The following SYT14 variants were observed in gnomAD, a reference collection of about 807,000 sequenced individuals.
SYT14 encodes the protein synaptotagmin 14.
In SYT14, 32 loss-of-function variants were observed where a neutral mutation model predicts 74.2. That is an observed-to-expected ratio of 0.43 (90% confidence interval 0.33 to 0.58). The LOEUF is 0.58. Among genes scored for constraint, SYT14 ranks in the 20% least tolerant of loss-of-function variants. SYT14 has a pLI of 0.05. For missense variants in SYT14, 791 were observed against 981.8 expected, an observed-to-expected ratio of 0.81 and a Z score of 2.60; for synonymous variants, 298 against 337.7, an observed-to-expected ratio of 0.88 and a Z score of 1.29.
rs1386909486 is a variant in SYT14 at position 209,958,883 on chromosome 1, T to G, written c.-486+6127T>G. The stretch of plus-strand genomic sequence containing the variant: ...ACTCTATAATCCTCTTCCAACTGCT[T>G]GACTAAGCATGATCTTATAAATGGA... On this transcript the variant is annotated intron_variant, in intron 2 of 9. Coordinates refer to ENST00000637265, the Ensembl canonical transcript of SYT14. 2.6e-5 allele frequency among the ~76,000 whole-genome samples: 4 copies of G among 152,168 alleles called. No homozygotes were observed. The East Asian group carries it at 7.7e-4, about 29-fold the overall frequency.
intron 7 of SYT14, among the ~76,000 whole-genome samples, chr1:210,128,707 A>G (rs1164219577): frequency 6.6e-6 from 1 of 152,194 alleles, no homozygotes; most frequent in Non-Finnish European, 1.5e-5. Context: ...ATGGAATACG[A>G]ACAGTGTCTA....
intron 7 of SYT14, among the ~76,000 whole-genome samples, chr1:210,109,658 A>G (rs1013393762): frequency 5.9e-5 from 9 of 152,162 alleles, no homozygotes; most frequent in Admixed American, 5.2e-4. Flanking sequence ...GAATGCTTTT[A>G]CACTGTTGGT....
intron 2 of SYT14, chr1:209,953,258 AG>A: frequency 7.8e-7 from 1 of 1,287,134 alleles, no homozygotes; most frequent in South Asian, 1.2e-5. Context: ...GCCCCAGGAA[AG>A]GTAATTCAGT....
intron 7 of SYT14, among the ~76,000 whole-genome samples, chr1:210,149,467 G>A (rs2083114971): frequency 6.6e-6 from 1 of 152,130 alleles, no homozygotes; most frequent in Non-Finnish European, 1.5e-5. Flanking sequence ...TTACAGGCAT[G>A]AGCCACTGCA....
Position 210,122,130 on chromosome 1 carries a change from A to T in SYT14, c.2034+21669A>T. On this transcript the variant is annotated intron_variant, in intron 7 of 9. Transcript: ENST00000637265. ...GTAGCTGGGACTACAGGCGCCCGCC[A>T]CTACGCCCGGCTAATTTTTTTGTAT... 3.0e-5 allele frequency among the ~76,000 whole-genome samples: 2 copies of T among 66,284 alleles called. 1 individual carries two copies. Among genetic ancestry groups the T allele is most frequent in the Non-Finnish European group, 5.2e-5 (2 of 38,350 alleles). The allele number at this position is 66,284 out of a possible 152,430, so 43.5% of individuals were successfully genotyped here. A position where few individuals can be genotyped will look rare whatever the true frequency, so the allele number is the denominator to read the frequency against.
At chr1:210,059,451 T>TATATATATATAGAGAGAGAGAG (rs377050610) in intron 5 of SYT14, among the ~76,000 whole-genome samples, 12 of 69,898 alleles carry the variant, frequency 1.7e-4, no homozygotes, top group Admixed American at 4.9e-4. Context: ...TATATATATA[T>TATATATATATAGAGAGAGAGAG]AGAGAGAGAG....
intron 7 of SYT14, among the ~76,000 whole-genome samples, chr1:210,148,490 CAG>C (rs562235943): frequency 1.6e-3 from 215 of 137,842 alleles, no homozygotes; most frequent in African/African-American, 5.8e-3. Flanking sequence ...GCCTGGGCGA[CAG>C]AGCAAAACTC....
intron 5 of SYT14, among the ~76,000 whole-genome samples, chr1:210,050,994 G>A (rs138948970): frequency 3.8e-4 from 58 of 152,312 alleles, no homozygotes; most frequent in African/African-American, 1.3e-3. Flanking sequence ...AGATCTAGGT[G>A]TGCTTGTTAC....
At chr1:210,162,263 A>T (rs2083387889) in exon 10 of SYT14, 1 of 433,826 alleles carries the variant, frequency 2.3e-6, no homozygotes, top group Non-Finnish European at 4.6e-6. Context: ...ATTTGCTCAT[A>T]CAGCTTGAAC....
intron 7 of SYT14, among the ~76,000 whole-genome samples, chr1:210,107,168 T>G (rs890395665): frequency 1.3e-5 from 2 of 152,266 alleles, no homozygotes; most frequent in African/African-American, 2.4e-5. Flanking sequence ...TCCCACAGCC[T>G]TGGGCACCCC....
chr1:210,163,403 C>G, exon 10 of SYT14: 1 of 453,718 alleles, frequency 2.2e-6, no homozygotes, highest in South Asian at 1.6e-5. Flanking sequence ...TACCTCCACC[C>G]CAGCTGCCAA....
intron 5 of SYT14, among the ~76,000 whole-genome samples, chr1:210,034,280 A>G (rs557877791): frequency 1.3e-5 from 2 of 151,812 alleles, no homozygotes; most frequent in South Asian, 4.1e-4. Context: ...AATGCACCAA[A>G]CTTCTCCACT....
intron 2 of SYT14, among the ~76,000 whole-genome samples, chr1:209,981,450 C>CTTTTTTTTTTTTTTTTTTTTTTTTTTTT (rs1183885685): frequency 3.5e-4 from 35 of 99,038 alleles, no homozygotes; most frequent in Non-Finnish European, 4.7e-4. Flanking sequence ...TTTTTCTTTT[C>CTTTTTTTTTTTTTTTTTTTTTTTTTTTT]TTTTTTTTTT....
At chr1:210,049,278 C>G (rs2080943496) in intron 5 of SYT14, among the ~76,000 whole-genome samples, 1 of 152,178 alleles carries the variant, frequency 6.6e-6, no homozygotes, top group South Asian at 2.1e-4. Context: ...CTGCCCTGCC[C>G]TAGCAGAGGA....
At chr1:210,142,948 T>G (rs1307595548) in intron 7 of SYT14, among the ~76,000 whole-genome samples, 1 of 152,218 alleles carries the variant, frequency 6.6e-6, no homozygotes, top group East Asian at 1.9e-4. Flanking sequence ...TGAATCTCTG[T>G]TTTATAACGG....
At chr1:209,954,145 G>C in intron 2 of SYT14, among the ~76,000 whole-genome samples, 1 of 152,190 alleles carries the variant, frequency 6.6e-6, no homozygotes, top group South Asian at 2.1e-4. Flanking sequence ...TAAAGGTGTG[G>C]TCAGGTGAAA....
intron 5 of SYT14, among the ~76,000 whole-genome samples, chr1:210,024,856 A>G (rs1383707369): frequency 6.7e-6 from 1 of 149,348 alleles, no homozygotes; most frequent in Non-Finnish European, 1.5e-5. Context: ...ATGGAAGAAA[A>G]GTTTTAGAAG....
chr1:210,028,062 T>C (rs143854323), intron 5 of SYT14, among the ~76,000 whole-genome samples: 24 of 152,230 alleles, frequency 1.6e-4, no homozygotes, highest in Non-Finnish European at 2.8e-4. Flanking sequence ...AATAAGTCTT[T>C]ATTCTGTCAT....
At chr1:210,097,177 A>C (rs1320022805) in intron 6 of SYT14, among the ~76,000 whole-genome samples, 1 of 152,206 alleles carries the variant, frequency 6.6e-6, no homozygotes, top group Non-Finnish European at 1.5e-5. Flanking sequence ...GTGTTTTTTC[A>C]AGTTTATTTT....
Sources: gnomAD v4.1 joint callset for allele counts (sites outside exome capture counted in the v4.1 genomes callset) on GRCh38, gnomAD v4.1.1 for gene constraint, MANE v1.5 for transcripts, NCBI Gene and HGNC (gene_info 2026-07-23, HGNC 2026-07-21) for gene names.